LRFN5: variants seen among roughly 807,000 people sequenced by gnomAD.
The protein encoded by LRFN5 is leucine-rich repeat and fibronectin type-III domain-containing protein 5.
In LRFN5, 24 loss-of-function variants were observed where a neutral mutation model predicts 45.6. The observed-to-expected ratio is 0.53, with a 90% CI of 0.38 to 0.74. LRFN5 has a LOEUF of 0.74. Among genes scored for constraint, LRFN5 ranks in the 30% least tolerant of loss-of-function variants. LRFN5 has a pLI of 0.00. For missense variants in LRFN5, 776 were observed against 861.5 expected (o/e 0.90, Z 1.24); for synonymous variants, 340 against 313.8 (o/e 1.08, Z -0.88).
chr14:41,814,012 T>C (rs1366326385), intron 2 of LRFN5, among the ~76,000 whole-genome samples: 1 of 152,182 alleles, frequency 6.6e-6, no homozygotes, highest in Non-Finnish European at 1.5e-5. Context: ...TGGGGCTGTT[T>C]GTTTTTTTCT....
At chr14:41,885,814 C>T (rs111427922) in intron 2 of LRFN5, among the ~76,000 whole-genome samples, 1 of 151,652 alleles carries the variant, frequency 6.6e-6, no homozygotes, top group Non-Finnish European at 1.5e-5. Flanking sequence ...GTCAGGAGTT[C>T]GAAACCAGCC....
At chr14:41,649,459 T>C (rs1482343948) in intron 1 of LRFN5, among the ~76,000 whole-genome samples, 1 of 152,144 alleles carries the variant, frequency 6.6e-6, no homozygotes, top group Non-Finnish European at 1.5e-5. Context: ...AATAAAATGG[T>C]ATAAGTATAA....
At chr14:41,733,289 T>G (rs1884262172) in intron 1 of LRFN5, among the ~76,000 whole-genome samples, 1 of 152,082 alleles carries the variant, frequency 6.6e-6, no homozygotes, top group Non-Finnish European at 1.5e-5. Flanking sequence ...ATAATCAAAC[T>G]GTTTAAAGAC....
At chr14:41,623,623 G>T (rs1343117582) in intron 1 of LRFN5, among the ~76,000 whole-genome samples, 1 of 151,976 alleles carries the variant, frequency 6.6e-6, no homozygotes, top group Admixed American at 6.6e-5. Context: ...ATAAACTTTC[G>T]GTGACTTTGC....
intron 1 of LRFN5, among the ~76,000 whole-genome samples, chr14:41,691,553 GCATATACATATATATA>G (rs1434752827): frequency 6.6e-6 from 1 of 151,878 alleles, no homozygotes; most frequent in African/African-American, 2.4e-5. Flanking sequence ...GTGCAATTGT[GCATATACATATATATA>G]CATATACATA....
chr14:41,892,253 A>G, intron 4 of LRFN5: 1 of 984,782 alleles, frequency 1.0e-6, no homozygotes, highest in Non-Finnish European at 1.2e-6. Flanking sequence ...GGAATTTGCA[A>G]TTCCAATGCT....
Position 41,887,577 on chromosome 14 carries a change from A to G in LRFN5, c.952A>G (p.Ile318Val), listed in dbSNP as rs1232356765. 2 of 1,614,200 alleles carry G rather than the reference A, an allele frequency of 1.2e-6. No individual in the cohort carries two copies. The highest frequency in any genetic ancestry group is 4.5e-5 in the East Asian group (2 of 44,878). ...AGCCAGGGGAGACCCTGAGCCTGCA[A>G]TTCACTGGATTTCTCCTGAAGGGAA... Reference protein sequence around the residue: ...CKARGDPEPAIHWISPEGKLI... With the variant: ...CKARGDPEPAVHWISPEGKLI... Residue 318 changes from isoleucine to valine, a missense_variant, in exon 3 of 6, where the codon ATT (isoleucine) becomes GTT (valine). By Grantham distance (29) the Ile-to-Val change is conservative. Transcript: ENST00000298119. This position sits in a 1 kb window ranked among gnomAD's most constrained non-coding sequence, Gnocchi z 4.8.
chr14:41,898,431 G>A (rs1891006902), intron 4 of LRFN5, among the ~76,000 whole-genome samples: 1 of 151,914 alleles, frequency 6.6e-6, no homozygotes, highest in African/African-American at 2.4e-5. Context: ...TTGGGGAGTA[G>A]GTATTGAATG....
intron 2 of LRFN5, among the ~76,000 whole-genome samples, chr14:41,798,115 C>T (rs746929175): frequency 6.6e-6 from 1 of 151,842 alleles, no homozygotes; most frequent in Non-Finnish European, 1.5e-5. Context: ...TCAGACAACC[C>T]TTCATTACTC....
chr14:41,701,506 A>C (rs1882840038), intron 1 of LRFN5: 1 of 152,240 alleles, frequency 6.6e-6, no homozygotes. Flanking sequence ...TAAACAAAGA[A>C]GATGTCAGGC....
At chr14:41,712,076 A>C (rs1883307571) in intron 1 of LRFN5, among the ~76,000 whole-genome samples, 1 of 152,210 alleles carries the variant, frequency 6.6e-6, no homozygotes, top group African/African-American at 2.4e-5. Context: ...GAACGGAAGA[A>C]ATGATACAAC....
Position 41,891,727 on chromosome 14 carries a change from C to T in LRFN5, c.1863C>T (p.Asp621=). Residue 621 remains aspartate (D), a synonymous_variant, in exon 4 of 6, where the codon GAC becomes GAT. Coordinates refer to ENST00000298119, the MANE Select transcript of LRFN5 (RefSeq NM_152447.5). ...CTTCAGAAACTTGTTCGAGTCAGGA[C>T]TCCTCTACCACTACCTCTGCTTTGC... ...IQSSETCSSQ[D]SSTTTSALPP... The T allele has an allele frequency of 6.2e-7, 1 of 1,614,188 alleles. No homozygotes were observed. Among genetic ancestry groups the T allele is most frequent in the Non-Finnish European group, 8.5e-7 (1 of 1,180,028 alleles).
intron 1 of LRFN5, among the ~76,000 whole-genome samples, chr14:41,707,975 T>C (rs963650458): frequency 6.6e-6 from 1 of 152,078 alleles, no homozygotes; most frequent in Admixed American, 6.6e-5. Flanking sequence ...TAAATATTTA[T>C]ACATGTTAAC....
At position 41,782,980 on chromosome 14, in the gene LRFN5, T is replaced by TTTC. The variant is rs1360348937; in HGVS notation, c.-21+15953_-21+15954insCTT. Reference sequence around the variant, plus strand: ...TGTTCCTGTGGTGATACAGCTTTTTTTTTTTTTTTTCTATTAGATGAATCA... The same window carrying TTTC: ...TGTTCCTGTGGTGATACAGCTTTTTTTTCTTTTTTTTTTCTATTAGATGAATCA... On this transcript the variant is annotated intron_variant, in intron 2 of 5. Transcript: ENST00000298119. 3.3e-5 allele frequency among the ~76,000 whole-genome samples: 5 copies of TTTC among 150,450 alleles called. 1 individual carries two copies. Among genetic ancestry groups the TTTC allele is most frequent in the Non-Finnish European group, 7.4e-5 (5 of 67,580 alleles).
chr14:41,843,425 A>ATAAAAT (rs1888936967), intron 2 of LRFN5, among the ~76,000 whole-genome samples: 1 of 152,112 alleles, frequency 6.6e-6, no homozygotes. Flanking sequence ...TTTAACTGTG[A>ATAAAAT]TAAAATTATA....
At chr14:41,793,879 G>A (rs1305543465) in intron 2 of LRFN5, among the ~76,000 whole-genome samples, 1 of 151,942 alleles carries the variant, frequency 6.6e-6, no homozygotes, top group Non-Finnish European at 1.5e-5. Flanking sequence ...TGTCCTAAAT[G>A]TTCCTTACAT....
chr14:41,747,176 A>G (rs1884954861), intron 1 of LRFN5, among the ~76,000 whole-genome samples: 1 of 151,992 alleles, frequency 6.6e-6, no homozygotes, highest in Admixed American at 6.6e-5. Context: ...TTTGTTGAAG[A>G]AATTTTTAAA....
chr14:41,829,918 A>G (rs1334748423), intron 2 of LRFN5, among the ~76,000 whole-genome samples: 1 of 151,128 alleles, frequency 6.6e-6, no homozygotes, highest in Non-Finnish European at 1.5e-5. Flanking sequence ...TTTGTTCATT[A>G]TTAACTATGA....
chr14:41,675,279 C>A (rs965352104), intron 1 of LRFN5, among the ~76,000 whole-genome samples: 3 of 152,240 alleles, frequency 2.0e-5, no homozygotes, highest in African/African-American at 7.2e-5. Flanking sequence ...TGTAGCCAGC[C>A]GAGATCACGC....
Sources: gnomAD v4.1 joint callset for allele counts (sites outside exome capture counted in the v4.1 genomes callset) on GRCh38, gnomAD v4.1.1 for gene constraint, Gnocchi (gnomAD v3.1) non-coding constraint, MANE v1.5 for transcripts, NCBI Gene and HGNC (gene_info 2026-07-23, HGNC 2026-07-21) for gene names.